Variants in TTC27 observed in about 807,000 individuals in gnomAD.
The protein encoded by TTC27 is tetratricopeptide repeat domain 27.
In TTC27, 79 loss-of-function variants were observed where a neutral mutation model predicts 115.9. The observed-to-expected ratio is 0.68, with a 90% CI of 0.57 to 0.82. The LOEUF is 0.82. Ranked by LOEUF, TTC27 falls within the 40% of genes least tolerant of loss-of-function variation. The pLI, the probability that TTC27 is intolerant of heterozygous loss-of-function variation, is 0.00. For synonymous variants in TTC27, 401 were observed against 356.0 expected, an observed-to-expected ratio of 1.13 and a Z score of -1.42; for missense variants, 1,054 against 993.1, an observed-to-expected ratio of 1.06 and a Z score of -0.82.
intron 10 of TTC27, among the ~76,000 whole-genome samples, chr2:32,714,641 T>C (rs1033487798): frequency 2.6e-5 from 4 of 152,150 alleles, no homozygotes; most frequent in Non-Finnish European, 4.4e-5. Flanking sequence ...GGTAGTTCTG[T>C]TTTAAGTTCT....
rs115716627 is a variant in TTC27, at chr2:32,633,939, G to A, written c.330G>A (p.Thr110=). 954 of 1,613,964 alleles carry A rather than the reference G, an allele frequency of 5.9e-4. 4 individuals carry two copies. The African/African-American group carries it at 0.011, about 19-fold the overall frequency. ...SLQLFVQSNW[T]GPPVDLHPQD... ...AACTTTTTGTTCAGAGCAACTGGAC[G>A]GGGCCCCCTGTTGACTTACACCCTC... Residue 110 remains threonine, a synonymous_variant, in exon 3 of 20, where the codon ACG becomes ACA. Transcript: ENST00000317907.
chr2:32,719,791 A>T (rs1001000129), intron 10 of TTC27, among the ~76,000 whole-genome samples: 1 of 152,126 alleles, frequency 6.6e-6, no homozygotes, highest in Non-Finnish European at 1.5e-5. Context: ...GGGACAGAGG[A>T]TGCCTTCCTG....
chr2:32,778,158 T>C (rs569089155), intron 14 of TTC27, among the ~76,000 whole-genome samples, 178 bp downstream of exon 14: 1 of 152,320 alleles, frequency 6.6e-6, no homozygotes, highest in South Asian at 2.1e-4. Context: ...TATTTCATGG[T>C]TTCATTTAGG....
chr2:32,635,488 C>T (rs2151860134), intron 3 of TTC27, among the ~76,000 whole-genome samples: 1 of 152,104 alleles, frequency 6.6e-6, no homozygotes, highest in South Asian at 2.1e-4. Context: ...AGTTCAAGAC[C>T]AGCCTGATCA....
At chr2:32,656,697 C>G (rs922140454) in intron 5 of TTC27, among the ~76,000 whole-genome samples, 1 of 152,156 alleles carries the variant, frequency 6.6e-6, no homozygotes, top group African/African-American at 2.4e-5. Context: ...CACATGGACC[C>G]CTCCTTGGTA....
chr2:32,689,445 A>G (rs1341891457), intron 9 of TTC27, among the ~76,000 whole-genome samples: 1 of 152,134 alleles, frequency 6.6e-6, no homozygotes, highest in Non-Finnish European at 1.5e-5. Context: ...TACAACACAA[A>G]CTATTCAATT....
At chr2:32,703,129 C>T (rs933986310) in intron 10 of TTC27, among the ~76,000 whole-genome samples, 11 of 152,158 alleles carry the variant, frequency 7.2e-5, no homozygotes, top group Non-Finnish European at 1.5e-4. Context: ...GGTATTTAAC[C>T]TCTCCAAACC....
intron 13 of TTC27, among the ~76,000 whole-genome samples, chr2:32,776,051 G>C (rs1342708003): frequency 1.3e-5 from 2 of 152,152 alleles, no homozygotes; most frequent in East Asian, 3.9e-4. Context: ...TCAAAAAAGT[G>C]AACTTCTAAC....
intron 8 of TTC27, among the ~76,000 whole-genome samples, chr2:32,673,469 C>T (rs1414719842): frequency 1.3e-5 from 2 of 152,028 alleles, no homozygotes; most frequent in African/African-American, 2.4e-5. Context: ...TCAGCTGATC[C>T]GCCCGCCTCG....
intron 10 of TTC27, among the ~76,000 whole-genome samples, chr2:32,707,670 C>T (rs60675586): frequency 0.024 from 3,650 of 152,088 alleles, 153 homozygotes; most frequent in African/African-American, 0.08. Context: ...TTTCTGATGG[C>T]CACCTCACTA....
chr2:32,669,161 T>G (rs903752012), intron 7 of TTC27, among the ~76,000 whole-genome samples: 7 of 152,162 alleles, frequency 4.6e-5, no homozygotes, highest in Admixed American at 4.6e-4. Flanking sequence ...CTGGCTAATT[T>G]TTGTATTTTT....
At chr2:32,775,082 C>A (rs879264058) in intron 13 of TTC27, among the ~76,000 whole-genome samples, 1 of 152,236 alleles carries the variant, frequency 6.6e-6, no homozygotes, top group South Asian at 2.1e-4. Context: ...CATCACCAGT[C>A]TGTTTTAGAG....
intron 13 of TTC27, among the ~76,000 whole-genome samples, chr2:32,765,249 G>T (rs988260307): frequency 1.3e-5 from 2 of 152,080 alleles, no homozygotes; most frequent in Non-Finnish European, 2.9e-5. Flanking sequence ...GCTGCGGAGT[G>T]GTTGTTGTGT....
intron 7 of TTC27, among the ~76,000 whole-genome samples, chr2:32,669,170 T>G (rs1665914046): frequency 6.6e-6 from 1 of 152,198 alleles, no homozygotes; most frequent in African/African-American, 2.4e-5. Flanking sequence ...TTTTGTATTT[T>G]TGGTAGAGAT....
intron 13 of TTC27, among the ~76,000 whole-genome samples, chr2:32,771,800 G>A (rs914912333): frequency 6.6e-6 from 1 of 152,114 alleles, no homozygotes; most frequent in Non-Finnish European, 1.5e-5. Context: ...ATTTCACTTC[G>A]GTCATTTCCT....
chr2:32,803,643 A>G (rs1270578287), intron 16 of TTC27, among the ~76,000 whole-genome samples: 1 of 152,184 alleles, frequency 6.6e-6, no homozygotes, highest in Admixed American at 6.5e-5. Context: ...GGAGTTGGCA[A>G]CTTGTGTTCC....
chr2:32,799,706 G>A (rs1390662486), intron 16 of TTC27, among the ~76,000 whole-genome samples: 1 of 152,104 alleles, frequency 6.6e-6, no homozygotes, highest in Non-Finnish European at 1.5e-5. Flanking sequence ...TATATAAAGA[G>A]TTAACATCTG....
intron 13 of TTC27, among the ~76,000 whole-genome samples, chr2:32,770,927 C>T (rs942501046): frequency 9.9e-5 from 15 of 152,062 alleles, no homozygotes; most frequent in African/African-American, 2.7e-4. Flanking sequence ...ATAATATGTA[C>T]GGAAAAAAGA....
intron 15 of TTC27, among the ~76,000 whole-genome samples, chr2:32,784,368 C>A (rs1342389722): frequency 6.6e-6 from 1 of 152,114 alleles, no homozygotes; most frequent in Non-Finnish European, 1.5e-5. Context: ...TCTTTCTTTG[C>A]TAAGGTTCTA....
Sources: gnomAD v4.1 joint callset for allele counts (sites outside exome capture counted in the v4.1 genomes callset) on GRCh38, gnomAD v4.1.1 for gene constraint, MANE v1.5 for transcripts, NCBI Gene and HGNC (gene_info 2026-07-23, HGNC 2026-07-21) for gene names.